RABEP1: variants seen among roughly 807,000 people sequenced by gnomAD.
The protein encoded by RABEP1 is rabaptin, RAB GTPase binding effector protein 1, also known as rab GTPase-binding effector protein 1.
A neutral mutation model predicts 123.4 loss-of-function variants in RABEP1; 51 were observed. The ratio of observed to expected loss-of-function variants is 0.41; its 90% confidence interval spans 0.33 to 0.52. RABEP1 has a LOEUF of 0.52. Ranked by LOEUF, RABEP1 falls within the 20% of genes least tolerant of loss-of-function variation. The probability of loss-of-function intolerance (pLI) is 0.16; values close to 1 mark genes in which losing one functional copy is unlikely to be tolerated. For missense variants in RABEP1, 888 were observed against 996.3 expected (o/e 0.89, Z 1.46); for synonymous variants, 347 against 355.2 (o/e 0.98, Z 0.26).
At position 5,282,445 on chromosome 17, in the gene RABEP1, C is replaced by A; in HGVS notation, c.-42C>A. The A allele has an allele frequency of 1.5e-6, 2 of 1,334,900 alleles. No individual in the cohort carries two copies. Among genetic ancestry groups the A allele is most frequent in the Non-Finnish European group, 9.7e-7 (1 of 1,027,638 alleles). 82.7% of individuals were successfully genotyped at this position (1,334,900 alleles called of 1,614,324 possible). A position where few individuals can be genotyped will look rare whatever the true frequency, so the allele number is the denominator to read the frequency against. On this transcript the variant is annotated 5_prime_UTR_variant, in exon 1 of 18. Coordinates refer to ENST00000537505, the MANE Select transcript of RABEP1 (RefSeq NM_004703.6). ...GAGCCCGCGGGAGCCCAGGACGCCGCTTCCCCGCCCATCCCCGCTCCCCGA... is the reference window on the plus strand; with the variant it reads ...GAGCCCGCGGGAGCCCAGGACGCCGATTCCCCGCCCATCCCCGCTCCCCGA...
rs962961736 is a variant in RABEP1 at position 5,282,392 on chromosome 17, G to A, written c.-95G>A. ...TTTCTCTCTGGGCGGCGGCGGCGGC[G>A]GCTCGGTTGACGCCTCCTCCGCCAG... is the stretch of plus-strand genomic sequence containing the variant. On this transcript the variant is annotated 5_prime_UTR_variant, in exon 1 of 18. Transcript: ENST00000537505. 3 of 1,017,316 alleles carry A rather than the reference G, an allele frequency of 2.9e-6. 1 individual carries two copies. Among genetic ancestry groups the A allele is most frequent in the Middle Eastern group, 6.2e-4 (2 of 3,218 alleles). The allele number at this position is 1,017,316 out of a possible 1,614,324, so 63.0% of individuals were successfully genotyped here.
At position 5,346,803 on chromosome 17, in the gene RABEP1, A is replaced by G; in HGVS notation, c.662A>G (p.Asn221Ser). The change falls in exon 6 of 18, where the codon AAT becomes AGT. Residue 221 changes from asparagine (N) to serine (S), a missense_variant. Physicochemically the swap from Asn to Ser is conservative, Grantham distance 46. Coordinates refer to ENST00000537505, the MANE Select transcript of RABEP1 (RefSeq NM_004703.6). ...ELEASKVKEL[N>S]HYLEAEKSCR... The stretch of plus-strand genomic sequence containing the variant: ...ATCTTCTTTCAGGTTAAAGAACTGA[A>G]TCATTATCTGGAAGCTGAGAAATCT... 1 of 1,574,310 alleles carries G rather than the reference A, an allele frequency of 6.4e-7. No homozygotes were observed. The highest frequency in any genetic ancestry group is 8.6e-7 in the Non-Finnish European group (1 of 1,157,924).
intron 2 of RABEP1, among the ~76,000 whole-genome samples, chr17:5,316,851 A>G (rs1252891992): frequency 6.6e-6 from 1 of 151,056 alleles, no homozygotes; most frequent in Non-Finnish European, 1.5e-5. Context: ...AAAAAAAAAA[A>G]AAAAATATAA....
At chr17:5,308,186 C>T (rs979098325) in intron 1 of RABEP1, among the ~76,000 whole-genome samples, 1 of 150,898 alleles carries the variant, frequency 6.6e-6, no homozygotes, top group Non-Finnish European at 1.5e-5. Flanking sequence ...TTTCACTTTA[C>T]ATGACTCATT....
intron 2 of RABEP1, among the ~76,000 whole-genome samples, chr17:5,311,520 C>T (rs986387798): frequency 1.3e-5 from 2 of 151,566 alleles, no homozygotes; most frequent in Non-Finnish European, 2.9e-5. Context: ...CATGGTGAAA[C>T]TCTGTCTCTA....
intron 2 of RABEP1, among the ~76,000 whole-genome samples, chr17:5,326,038 G>A (rs913846449): frequency 4.6e-5 from 7 of 152,164 alleles, no homozygotes; most frequent in African/African-American, 1.7e-4. Context: ...AGCATTCATT[G>A]CTGGTGGGAA....
chr17:5,383,221 T>C lies in RABEP1; in HGVS notation c.2587T>C (p.Ter863ArgextTer14). Residue 863 changes from the stop codon to arginine, a stop_lost, in exon 18 of 18, where the codon TGA (stop) becomes CGA (arginine). Transcript: ENST00000537505. ...AGACATTAACCAGCTTCCTGAGACA[T>C]GACACCCTCATGGCAGGATTCTAGC... is the stretch of plus-strand genomic sequence containing the variant. ...LTDINQLPET[*>R] is the part of the protein sequence containing the mutation. 6.2e-7 allele frequency: 1 copy of C among 1,613,388 alleles called. No homozygotes were observed. Among genetic ancestry groups the C allele is most frequent in the Non-Finnish European group, 8.5e-7 (1 of 1,179,350 alleles).
chr17:5,349,716 A>G (rs1168125264), intron 6 of RABEP1, among the ~76,000 whole-genome samples: 6 of 151,936 alleles, frequency 3.9e-5, no homozygotes, highest in Non-Finnish European at 7.4e-5. Flanking sequence ...TACTGTGAAA[A>G]GTTTTTTTTT....
At chr17:5,335,072 C>A in intron 3 of RABEP1, 112 bp from the exon 4 acceptor site, 1 of 852,916 alleles carries the variant, frequency 1.2e-6, no homozygotes, top group Non-Finnish European at 1.7e-6. Context: ...GTGAATTAAA[C>A]ATTTTCCAGA....
chr17:5,292,480 T>TG (rs1247688548), intron 1 of RABEP1, among the ~76,000 whole-genome samples: 1 of 151,968 alleles, frequency 6.6e-6, no homozygotes, highest in African/African-American at 2.4e-5. Context: ...CTCCACCTCC[T>TG]GGGTTCAAGC....
At chr17:5,354,327 G>T in intron 7 of RABEP1, 32 bp from the exon 8 acceptor site, 1 of 1,572,706 alleles carries the variant, frequency 6.4e-7, no homozygotes, top group South Asian at 1.2e-5. Flanking sequence ...TAGGTTACTT[G>T]GGTCATATAT....
At chr17:5,300,365 G>C (rs1278123932) in intron 1 of RABEP1, among the ~76,000 whole-genome samples, 2 of 152,190 alleles carry the variant, frequency 1.3e-5, no homozygotes, top group Admixed American at 6.5e-5. Flanking sequence ...CTCATGATTA[G>C]ACTGACATAG....
intron 1 of RABEP1, among the ~76,000 whole-genome samples, chr17:5,299,754 A>T: frequency 2.2e-5 from 2 of 89,486 alleles, no homozygotes; most frequent in African/African-American, 4.3e-5. Context: ...TTTTGGAGGC[A>T]GAGTCTCTCC....
chr17:5,356,200 A>G (rs779667571), intron 8 of RABEP1, among the ~76,000 whole-genome samples: 6 of 152,200 alleles, frequency 3.9e-5, no homozygotes, highest in Non-Finnish European at 8.8e-5. Flanking sequence ...TACTAAAAAT[A>G]CACAAATTAG....
intron 1 of RABEP1, among the ~76,000 whole-genome samples, chr17:5,293,838 GT>G (rs1339668823): frequency 4.6e-5 from 7 of 152,122 alleles, no homozygotes; most frequent in Admixed American, 4.6e-4. Context: ...TATGTTGTTA[GT>G]GTTTAAATTT....
intron 2 of RABEP1, among the ~76,000 whole-genome samples, chr17:5,331,048 TTTTTTTTA>T (rs918441095): frequency 1.1e-4 from 13 of 118,716 alleles, no homozygotes; most frequent in African/African-American, 3.9e-4. Flanking sequence ...TTTTTTTTTT[TTTTTTTTA>T]AAGAAACACA....
chr17:5,367,770 C>A lies in RABEP1; in HGVS notation c.1786-600C>A, dbSNP rs973232521. On this transcript the variant is annotated intron_variant, in intron 11 of 17. Transcript: ENST00000537505. ...AAATTTTCTCTCTTTTTTTTTTAAACCCGAGATGGAGTTTTGCTCTTGTTG... is the reference window on the plus strand; with the variant it reads ...AAATTTTCTCTCTTTTTTTTTTAAAACCGAGATGGAGTTTTGCTCTTGTTG... Among the ~76,000 whole-genome samples the A allele has an allele frequency of 6.0e-5, 9 of 149,330 alleles. 1 individual carries two copies. Among genetic ancestry groups the A allele is most frequent in the African/African-American group, 1.7e-4 (7 of 40,830 alleles).
chr17:5,312,666 A>C (rs2075255926), intron 2 of RABEP1, among the ~76,000 whole-genome samples: 1 of 152,102 alleles, frequency 6.6e-6, no homozygotes, highest in African/African-American at 2.4e-5. Context: ...GTTCATGTCT[A>C]GTCATGGTGG....
At chr17:5,299,758 T>C (rs2075119684) in intron 1 of RABEP1, among the ~76,000 whole-genome samples, 1 of 130,648 alleles carries the variant, frequency 7.7e-6, no homozygotes, top group Non-Finnish European at 1.6e-5. Context: ...GGAGGCAGAG[T>C]CTCTCCTTGT....
Sources: gnomAD v4.1 joint callset for allele counts (sites outside exome capture counted in the v4.1 genomes callset) on GRCh38, gnomAD v4.1.1 for gene constraint, MANE v1.5 for transcripts, NCBI Gene and HGNC (gene_info 2026-07-23, HGNC 2026-07-21) for gene names.